Variants in GPM6A observed in about 807,000 individuals in gnomAD.
GPM6A encodes the protein neuronal membrane glycoprotein M6-a.
In GPM6A, 7 loss-of-function variants were observed where a neutral mutation model predicts 32.1. The observed-to-expected ratio is 0.22, with a 90% CI of 0.12 to 0.41. The LOEUF (loss-of-function observed/expected upper bound fraction) is 0.41, where lower values mean the gene tolerates loss of function less well. Ranked by LOEUF, GPM6A falls within the 10% of genes least tolerant of loss-of-function variation. The pLI is 1.00. For synonymous variants in GPM6A, 130 were observed against 123.4 expected (o/e 1.05, Z -0.35); for missense variants, 235 against 347.2 (o/e 0.68, Z 2.57).
chr4:175,854,545 A>T (rs1736359058), intron 1 of GPM6A, among the ~76,000 whole-genome samples: 1 of 152,214 alleles, frequency 6.6e-6, no homozygotes, highest in South Asian at 2.1e-4. Flanking sequence ...AAAGGGCAGT[A>T]TGTAATAAAA....
chr4:175,975,194 C>T (rs1256710645), intron 1 of GPM6A, among the ~76,000 whole-genome samples: 2 of 152,162 alleles, frequency 1.3e-5, no homozygotes, highest in African/African-American at 4.8e-5. Flanking sequence ...CTGTCCAACT[C>T]CAAGCTGAAG....
intron 2 of GPM6A, among the ~76,000 whole-genome samples, chr4:175,678,043 A>G (rs1224443839): frequency 2.0e-5 from 3 of 152,196 alleles, no homozygotes; most frequent in Non-Finnish European, 4.4e-5. Flanking sequence ...AAAACAGCGT[A>G]TACGTCTTGA....
chr4:175,736,781 G>A (rs1019373733), intron 1 of GPM6A, among the ~76,000 whole-genome samples: 2 of 152,130 alleles, frequency 1.3e-5, no homozygotes, highest in Non-Finnish European at 2.9e-5. Context: ...GATGCAGAGC[G>A]TCACCATGTT....
intron 1 of GPM6A, among the ~76,000 whole-genome samples, chr4:175,977,951 T>C (rs905348721): frequency 4.6e-5 from 7 of 152,204 alleles, no homozygotes; most frequent in Non-Finnish European, 8.8e-5. Context: ...CCAAATACTA[T>C]GTGGTCCTAC....
At chr4:175,856,009 T>C (rs1230870476) in intron 1 of GPM6A, among the ~76,000 whole-genome samples, 1 of 152,194 alleles carries the variant, frequency 6.6e-6, no homozygotes, top group Non-Finnish European at 1.5e-5. Context: ...GACAAATGAC[T>C]GATTCTAGGA....
chr4:175,886,037 G>T (rs1214713193), intron 1 of GPM6A, among the ~76,000 whole-genome samples: 1 of 152,084 alleles, frequency 6.6e-6, no homozygotes, highest in African/African-American at 2.4e-5. Context: ...AGAATAAAGA[G>T]ATTCTATATA....
rs185951023 is a variant in GPM6A at position 175,990,506 on chromosome 4, C to G, written c.-23+11803G>C. 1.0e-3 allele frequency among the ~76,000 whole-genome samples: 158 copies of G among 152,266 alleles called. 1 individual carries two copies. The highest frequency in any genetic ancestry group is 3.6e-3 in the African/African-American group (149 of 41,564). On this transcript the variant is annotated intron_variant, in intron 1 of 7. Coordinates refer to the GPM6A transcript ENST00000280187. The stretch of plus-strand genomic sequence containing the variant: ...TTTAGAATCAGAAATTATACTTACC[C>G]TGCATCCTTCGTTACGTCATTATGT...
chr4:175,917,831 A>G (rs1032179782), intron 1 of GPM6A, among the ~76,000 whole-genome samples: 9 of 137,172 alleles, frequency 6.6e-5, no homozygotes, highest in Admixed American at 7.8e-5. Flanking sequence ...CACTAGAGAG[A>G]CAACAATGTT....
At chr4:175,736,410 G>T (rs1190470603) in intron 1 of GPM6A, among the ~76,000 whole-genome samples, 1 of 152,120 alleles carries the variant, frequency 6.6e-6, no homozygotes, top group Non-Finnish European at 1.5e-5. Flanking sequence ...GAGGATCTAT[G>T]CCACCTGTTT....
At chr4:175,845,353 C>G (rs934749604) in intron 1 of GPM6A, among the ~76,000 whole-genome samples, 1 of 152,054 alleles carries the variant, frequency 6.6e-6, no homozygotes, top group African/African-American at 2.4e-5. Context: ...TTTTTACTTA[C>G]AGGGATAACA....
At chr4:175,681,937 G>A (rs534657483) in intron 2 of GPM6A, among the ~76,000 whole-genome samples, 1 of 152,152 alleles carries the variant, frequency 6.6e-6, no homozygotes, top group Non-Finnish European at 1.5e-5. Context: ...GTTTGGATTG[G>A]GTAGCAGGCA....
chr4:175,798,128 T>C (rs1346882941), intron 1 of GPM6A, among the ~76,000 whole-genome samples: 1 of 152,230 alleles, frequency 6.6e-6, no homozygotes, highest in African/African-American at 2.4e-5. Context: ...GGTACCGCTA[T>C]ACTTGTGTAA....
chr4:175,838,737 C>G (rs145027810), intron 1 of GPM6A, among the ~76,000 whole-genome samples: 1 of 145,168 alleles, frequency 6.9e-6, no homozygotes, highest in Non-Finnish European at 1.5e-5. Flanking sequence ...TCACCAGAAC[C>G]TTTACCTCCT....
chr4:175,727,555 T>A (rs990170633), intron 1 of GPM6A, among the ~76,000 whole-genome samples: 2 of 152,206 alleles, frequency 1.3e-5, no homozygotes, highest in African/African-American at 4.8e-5. Context: ...ATTGAGTAGA[T>A]CCATGGGGAA....
chr4:175,764,846 C>CATCATT (rs377695328), intron 1 of GPM6A, among the ~76,000 whole-genome samples: 1 of 140,532 alleles, frequency 7.1e-6, no homozygotes, highest in Non-Finnish European at 1.5e-5. Context: ...AACCCAAAGG[C>CATCATT]ATTATTATTA....
chr4:175,773,215 G>A (rs1397369813), intron 1 of GPM6A, among the ~76,000 whole-genome samples: 1 of 152,152 alleles, frequency 6.6e-6, no homozygotes, highest in African/African-American at 2.4e-5. Flanking sequence ...TATATGTGAG[G>A]CTTCTTAATT....
At chr4:175,813,235 G>T (rs2111335098), upstream of GPM6A, 1 of 207,654 alleles carries the variant, frequency 4.8e-6, no homozygotes, top group Admixed American at 6.5e-5. Context: ...AGTGATGTAA[G>T]GGAGGAACAA....
intron 1 of GPM6A, among the ~76,000 whole-genome samples, chr4:175,909,022 G>C (rs958485046): frequency 1.2e-5 from 1 of 83,700 alleles, no homozygotes; most frequent in Non-Finnish European, 2.1e-5. Context: ...TGCCACTAGA[G>C]GCAGACAAAA....
At chr4:175,924,296 T>C (rs1560995898) in intron 1 of GPM6A, among the ~76,000 whole-genome samples, 1 of 152,106 alleles carries the variant, frequency 6.6e-6, no homozygotes, top group Non-Finnish European at 1.5e-5. Flanking sequence ...ACAAAAAGAA[T>C]TACACCGGAC....
Sources: gnomAD v4.1 joint callset for allele counts (sites outside exome capture counted in the v4.1 genomes callset) on GRCh38, gnomAD v4.1.1 for gene constraint, MANE v1.5 for transcripts, NCBI Gene and HGNC (gene_info 2026-07-23, HGNC 2026-07-21) for gene names.